The following CDH13 variants were observed in gnomAD, a reference collection of about 807,000 sequenced individuals.
CDH13 encodes the protein cadherin 13, also known as cadherin-13.
CDH13 carries 24 observed loss-of-function variants against 63.8 expected under a neutral mutation model. The observed-to-expected ratio is 0.38, with a 90% CI of 0.27 to 0.53. The LOEUF (loss-of-function observed/expected upper bound fraction) is 0.53, where lower values mean the gene tolerates loss of function less well. Among genes scored for constraint, CDH13 ranks in the 20% least tolerant of loss-of-function variants. The probability of loss-of-function intolerance (pLI) is 0.85; values close to 1 mark genes in which losing one functional copy is unlikely to be tolerated. For missense variants in CDH13, 1,049 were observed against 903.1 expected, an observed-to-expected ratio of 1.16 and a Z score of -2.07; for synonymous variants, 503 against 355.3, an observed-to-expected ratio of 1.42 and a Z score of -4.67.
intron 1 of CDH13, among the ~76,000 whole-genome samples, chr16:82,677,680 C>T (rs1292411122): frequency 6.6e-6 from 1 of 152,130 alleles, no homozygotes; most frequent in Non-Finnish European, 1.5e-5. Context: ...AAACACAATA[C>T]ACTATAAGGT....
chr16:82,834,577 C>A (rs1436134779), intron 1 of CDH13, among the ~76,000 whole-genome samples: 1 of 152,192 alleles, frequency 6.6e-6, no homozygotes, highest in African/African-American at 2.4e-5. Context: ...CAGCCCACAG[C>A]CACTGTGGGT....
At chr16:82,688,449 A>G (rs1055872863) in intron 1 of CDH13, among the ~76,000 whole-genome samples, 3 of 152,264 alleles carry the variant, frequency 2.0e-5, no homozygotes, top group African/African-American at 2.4e-5. Flanking sequence ...TCACAAGTTC[A>G]GCCCTGGTCA....
At chr16:82,972,150 G>T (rs2151371839) in intron 2 of CDH13, among the ~76,000 whole-genome samples, 1 of 152,274 alleles carries the variant, frequency 6.6e-6, no homozygotes, top group Non-Finnish European at 1.5e-5. Context: ...CACTGATTAG[G>T]CACAGAGCAG....
In CDH13 at chr16:82,842,125, TATATATATATATAC is replaced by T. The variant is rs2039045839; in HGVS notation, c.46-16235_46-16222del. The stretch of plus-strand genomic sequence containing the variant: ...ATATATATATATGTATATATATATA[TATATATATATATAC>T]ACATATATATATATATATATATATA... On this transcript the variant is annotated intron_variant, in intron 1 of 13. Coordinates refer to ENST00000567109, the MANE Select transcript of CDH13 (RefSeq NM_001257.5). Among the ~76,000 whole-genome samples, 15 of 47,984 alleles carry T rather than the reference TATATATATATATAC, an allele frequency of 3.1e-4. 2 individuals are homozygous for T. The highest frequency in any genetic ancestry group is 4.9e-4 in the Non-Finnish European group (10 of 20,428). The allele number at this position is 47,984 out of a possible 152,430, so 31.5% of individuals were successfully genotyped here. A position where few individuals can be genotyped will look rare whatever the true frequency, so the allele number is the denominator to read the frequency against.
chr16:82,881,997 C>T (rs1247030508), intron 2 of CDH13, among the ~76,000 whole-genome samples: 1 of 152,128 alleles, frequency 6.6e-6, no homozygotes, highest in African/African-American at 2.4e-5. Context: ...CCATTATTAA[C>T]TTTAATGTAT....
intron 2 of CDH13, among the ~76,000 whole-genome samples, chr16:82,891,554 A>C (rs528141443): frequency 1.1e-4 from 16 of 152,218 alleles, no homozygotes; most frequent in African/African-American, 3.9e-4. Context: ...CACCCCTCCA[A>C]CTGCTCATGC....
At chr16:82,888,119 C>G (rs1328059530) in intron 2 of CDH13, among the ~76,000 whole-genome samples, 1 of 152,022 alleles carries the variant, frequency 6.6e-6, no homozygotes, top group Non-Finnish European at 1.5e-5. Context: ...TTCTGAGATC[C>G]AAGTTCCAAA....
intron 2 of CDH13, among the ~76,000 whole-genome samples, chr16:83,028,957 G>T (rs1417228505): frequency 6.6e-6 from 1 of 152,106 alleles, no homozygotes; most frequent in Non-Finnish European, 1.5e-5. Flanking sequence ...TTCAAATCCT[G>T]GCTCATCATT....
chr16:83,485,123 T>A (rs945878927), intron 6 of CDH13, among the ~76,000 whole-genome samples: 1 of 152,224 alleles, frequency 6.6e-6, no homozygotes, highest in Admixed American at 6.5e-5. Context: ...AATATCTCAG[T>A]GTGAGAATAC....
intron 3 of CDH13, among the ~76,000 whole-genome samples, chr16:83,066,277 A>G (rs2151533206): frequency 6.6e-6 from 1 of 152,314 alleles, no homozygotes; most frequent in South Asian, 2.1e-4. Flanking sequence ...GAGATACGGG[A>G]GCTTCCTAAG....
intron 2 of CDH13, among the ~76,000 whole-genome samples, chr16:82,876,457 T>C (rs1482163963): frequency 5.3e-5 from 8 of 152,224 alleles, no homozygotes; most frequent in Non-Finnish European, 1.0e-4. Flanking sequence ...CCTTTTTTCT[T>C]AGTAATATAA....
intron 2 of CDH13, among the ~76,000 whole-genome samples, chr16:82,967,310 C>T (rs116071649): frequency 0.021 from 3,176 of 152,110 alleles, 83 homozygotes; most frequent in African/African-American, 0.066. Context: ...TCATAGTCTG[C>T]CCTCCCTTTA....
intron 1 of CDH13, among the ~76,000 whole-genome samples, chr16:82,674,089 C>T (rs1317315540): frequency 6.6e-6 from 1 of 152,178 alleles, no homozygotes; most frequent in Non-Finnish European, 1.5e-5. Flanking sequence ...TAAGAACGTA[C>T]ATTTGAAGGT....
intron 1 of CDH13, among the ~76,000 whole-genome samples, chr16:82,845,822 G>C (rs894530152): frequency 3.3e-5 from 5 of 152,174 alleles, no homozygotes; most frequent in Non-Finnish European, 5.9e-5. Context: ...CACATCCTCT[G>C]GTTTCTCCTA....
chr16:83,678,763 A>G (rs1915167507), intron 10 of CDH13, among the ~76,000 whole-genome samples: 1 of 152,058 alleles, frequency 6.6e-6, no homozygotes, highest in African/African-American at 2.4e-5. Flanking sequence ...ACGGAGAGAG[A>G]AGGGAGCCAC....
intron 2 of CDH13, among the ~76,000 whole-genome samples, chr16:82,914,735 C>T (rs1207066789): frequency 1.3e-5 from 2 of 152,196 alleles, no homozygotes; most frequent in Non-Finnish European, 1.5e-5. Context: ...GTCCTGGCGT[C>T]CACAACTCAC....
chr16:83,335,031 A>G (rs1248780718), intron 5 of CDH13, among the ~76,000 whole-genome samples: 1 of 152,206 alleles, frequency 6.6e-6, no homozygotes, highest in African/African-American at 2.4e-5. Context: ...CTGTCTTATC[A>G]CAACAAACAT....
At chr16:82,774,410 G>C (rs2035398647) in intron 1 of CDH13, among the ~76,000 whole-genome samples, 2 of 151,434 alleles carry the variant, frequency 1.3e-5, no homozygotes, top group Admixed American at 1.3e-4. Context: ...AGGTTATTGT[G>C]AGAAATAAGT....
Position 82,670,708 on chromosome 16 carries a change from A to G in CDH13, c.45+43571A>G, listed in dbSNP as rs187580804. ...GTAGTCGGGTATGAAACTTATAGAC[A>G]CATCCATGGATTTCCCTTTAATAAA... On this transcript the variant is annotated intron_variant, in intron 1 of 13. Coordinates refer to ENST00000567109, the MANE Select transcript of CDH13 (RefSeq NM_001257.5). Among the ~76,000 whole-genome samples the G allele has an allele frequency of 1.9e-3, 297 of 152,316 alleles. 2 individuals carry two copies. The highest frequency in any genetic ancestry group is 6.8e-3 in the Middle Eastern group (2 of 294).
Sources: allele counts gnomAD v4.1 joint callset (sites outside exome capture counted in the v4.1 genomes callset), GRCh38; gene constraint gnomAD v4.1.1; transcripts MANE v1.5; gene names NCBI Gene and HGNC (gene_info 2026-07-23, HGNC 2026-07-21).